The following GAB2 variants were observed in gnomAD, a reference collection of about 807,000 sequenced individuals.
GAB2 encodes the protein GRB2-associated-binding protein 2.
A neutral mutation model predicts 65.5 loss-of-function variants in GAB2; 26 were observed. That is an observed-to-expected ratio of 0.40 (90% confidence interval 0.29 to 0.55). The LOEUF is 0.55. Ranked by LOEUF, GAB2 falls within the 20% of genes least tolerant of loss-of-function variation. GAB2 has a pLI of 0.53. For missense variants in GAB2, 884 were observed against 875.8 expected, an observed-to-expected ratio of 1.01 and a Z score of -0.12; for synonymous variants, 321 against 329.6, an observed-to-expected ratio of 0.97 and a Z score of 0.28.
intron 1 of GAB2, among the ~76,000 whole-genome samples, chr11:78,302,833 G>C (rs555476716): frequency 1.3e-5 from 2 of 152,286 alleles, no homozygotes; most frequent in East Asian, 3.9e-4. Flanking sequence ...TATCTATACA[G>C]ATAGATATAT....
At chr11:78,266,299 A>G (rs1055747170) in intron 2 of GAB2, among the ~76,000 whole-genome samples, 5 of 151,516 alleles carry the variant, frequency 3.3e-5, no homozygotes, top group African/African-American at 1.2e-4. Flanking sequence ...CTAAAGAGGA[A>G]TAAGACGCGT....
intron 9 of GAB2, among the ~76,000 whole-genome samples, chr11:78,219,901 G>C (rs1351651936): frequency 1.3e-5 from 2 of 152,174 alleles, no homozygotes; most frequent in African/African-American, 4.8e-5. Flanking sequence ...CTCCTGGGGA[G>C]GCTTTCCCAG....
At chr11:78,267,176 C>T (rs1464140247) in intron 2 of GAB2, among the ~76,000 whole-genome samples, 1 of 152,138 alleles carries the variant, frequency 6.6e-6, no homozygotes, top group Admixed American at 6.5e-5. Context: ...GACTGAGACA[C>T]TGGAAAATTA....
chr11:78,370,032 C>A (rs552308892), intron 1 of GAB2, among the ~76,000 whole-genome samples: 195 of 151,842 alleles, frequency 1.3e-3, no homozygotes, highest in Non-Finnish European at 2.1e-3. Flanking sequence ...CCGAGGCGGG[C>A]GGATCACGAG....
At chr11:78,282,501 G>A (rs979634765) in intron 1 of GAB2, among the ~76,000 whole-genome samples, 3 of 151,938 alleles carry the variant, frequency 2.0e-5, no homozygotes, top group African/African-American at 7.3e-5. Context: ...TAGAGACAGG[G>A]CTTCACCATG....
At chr11:78,234,218 G>A (rs1258161097) in intron 3 of GAB2, among the ~76,000 whole-genome samples, 1 of 152,148 alleles carries the variant, frequency 6.6e-6, no homozygotes, top group Non-Finnish European at 1.5e-5. Context: ...GAGTAGCTGG[G>A]AATGCAAGCA....
intron 2 of GAB2, among the ~76,000 whole-genome samples, chr11:78,252,755 T>TCA (rs1273898936): frequency 2.0e-5 from 3 of 152,092 alleles, no homozygotes; most frequent in African/African-American, 7.2e-5. Context: ...ATATATCCCT[T>TCA]CACCTGCTGA....
At chr11:78,222,061 A>T in intron 7 of GAB2, 44 bp downstream of exon 7, 1 of 1,275,702 alleles carries the variant, frequency 7.8e-7, no homozygotes, top group Non-Finnish European at 1.1e-6. Context: ...CATTTTCCCT[A>T]ATGGCCCGAC....
At chr11:78,406,845 T>C (rs1406385928) in intron 1 of GAB2, among the ~76,000 whole-genome samples, 4 of 151,660 alleles carry the variant, frequency 2.6e-5, no homozygotes, top group African/African-American at 9.7e-5. Flanking sequence ...TTGGAACAAA[T>C]GGAAAATTGG....
chr11:78,273,153 C>A (rs1025270172), intron 2 of GAB2, among the ~76,000 whole-genome samples: 4 of 152,226 alleles, frequency 2.6e-5, no homozygotes, highest in African/African-American at 9.6e-5. Context: ...GGTCAGAGCC[C>A]CCACACAGAG....
chr11:78,227,646 A>AAAAAAAAAAAAAAAAAAC (rs1565115728), intron 3 of GAB2, among the ~76,000 whole-genome samples: 1 of 151,494 alleles, frequency 6.6e-6, no homozygotes, highest in Non-Finnish European at 1.5e-5. Flanking sequence ...AAAAAAAAAA[A>AAAAAAAAAAAAAAAAAAC]AGAACTAGCT....
intron 1 of GAB2, among the ~76,000 whole-genome samples, chr11:78,305,610 G>C (rs1715128373): frequency 6.6e-6 from 1 of 152,168 alleles, no homozygotes. Flanking sequence ...AAAGCACCAG[G>C]ACCTTTTCAT....
At chr11:78,261,390 G>C (rs747504940) in intron 2 of GAB2, among the ~76,000 whole-genome samples, 23 of 152,182 alleles carry the variant, frequency 1.5e-4, no homozygotes, top group Non-Finnish European at 2.9e-4. Flanking sequence ...CCCTGGGTTA[G>C]AAGAATGACC....
At chr11:78,227,932 A>T (rs1399825694) in intron 3 of GAB2, among the ~76,000 whole-genome samples, 1 of 152,202 alleles carries the variant, frequency 6.6e-6, no homozygotes, top group Non-Finnish European at 1.5e-5. Flanking sequence ...AGACCTAGAA[A>T]TCTATATGAA....
chr11:78,310,224 C>T (rs565797641), intron 1 of GAB2, among the ~76,000 whole-genome samples: 180 of 151,722 alleles, frequency 1.2e-3, no homozygotes, highest in African/African-American at 4.0e-3. Flanking sequence ...CAAAATGAGC[C>T]GGGTGCGGTG....
At chr11:78,320,342 C>T (rs975929561) in intron 1 of GAB2, among the ~76,000 whole-genome samples, 4 of 152,012 alleles carry the variant, frequency 2.6e-5, no homozygotes, top group Non-Finnish European at 2.9e-5. Flanking sequence ...AGCTAAGAAA[C>T]AGGTAATTAT....
chr11:78,295,883 C>T (rs1274050124), intron 1 of GAB2, among the ~76,000 whole-genome samples: 1 of 152,140 alleles, frequency 6.6e-6, no homozygotes, highest in African/African-American at 2.4e-5. Flanking sequence ...TCTGTAAAGT[C>T]AGCACAAACA....
chr11:78,399,996 C>T (rs1316883643), intron 1 of GAB2, among the ~76,000 whole-genome samples: 1 of 152,186 alleles, frequency 6.6e-6, no homozygotes, highest in Non-Finnish European at 1.5e-5. Flanking sequence ...ACATTTCACA[C>T]TGAAGAAGTG....
Position 78,226,962 on chromosome 11 carries a change from C to A in GAB2, c.710G>T (p.Cys237Phe), listed in dbSNP as rs750506102. ...GACTTGACCACTGATCCCGTTGACA[C>A]AGTGTCCATTGCCCTGGGCAAGTTT... The part of the protein sequence containing the change: ...VQKLAQGNGH[C>F]VNGISGQVHG... Residue 237 changes from cysteine (C) to phenylalanine (F), a missense_variant, in exon 4 of 10, where the codon TGT becomes TTT. Coordinates refer to ENST00000361507, the MANE Select transcript of GAB2 (RefSeq NM_080491.3). 8 of 1,613,720 alleles carry A rather than the reference C, an allele frequency of 5.0e-6. No individual in the cohort carries two copies. In the Admixed American group the frequency reaches 1.2e-4, roughly 24 times the overall value.
Sources: allele counts gnomAD v4.1 joint callset (sites outside exome capture counted in the v4.1 genomes callset), GRCh38; gene constraint gnomAD v4.1.1; transcripts MANE v1.5; gene names NCBI Gene and HGNC (gene_info 2026-07-23, HGNC 2026-07-21).